Variants in RBFOX1 observed in about 807,000 individuals in gnomAD.
RBFOX1 encodes RNA binding protein fox-1 homolog 1.
RBFOX1 carries 8 observed loss-of-function variants against 57.7 expected under a neutral mutation model. The ratio of observed to expected loss-of-function variants is 0.14; its 90% CI spans 0.08 to 0.25. The LOEUF (loss-of-function observed/expected upper bound fraction) is 0.25. Ranked by LOEUF, RBFOX1 falls within the 10% of genes least tolerant of loss-of-function variation. The pLI, the probability that RBFOX1 is intolerant of heterozygous loss-of-function variation, is 1.00. For missense variants in RBFOX1, 611 were observed against 548.5 expected (o/e 1.11, Z -1.14); for synonymous variants, 326 against 222.4 (o/e 1.47, Z -4.15).
chr16:5,770,022 G>C (rs891875780), intron 3 of RBFOX1, among the ~76,000 whole-genome samples: 1 of 152,202 alleles, frequency 6.6e-6, no homozygotes, highest in Non-Finnish European at 1.5e-5. Flanking sequence ...GCAGATAGAA[G>C]CTAAACTATA....
At chr16:5,757,834 C>A (rs575829332) in intron 3 of RBFOX1, among the ~76,000 whole-genome samples, 5 of 152,282 alleles carry the variant, frequency 3.3e-5, no homozygotes, top group Admixed American at 1.3e-4. Context: ...TTTCTGGGCT[C>A]ATGCTTCTAC....
intron 1 of RBFOX1, among the ~76,000 whole-genome samples, chr16:5,407,943 C>T (rs1207099046): frequency 2.0e-5 from 3 of 152,218 alleles, no homozygotes; most frequent in South Asian, 4.1e-4. Flanking sequence ...CTGCCCAGGA[C>T]CCAATTTGGA....
chr16:5,799,253 C>T (rs928404551), intron 3 of RBFOX1, among the ~76,000 whole-genome samples: 5 of 152,028 alleles, frequency 3.3e-5, no homozygotes, highest in African/African-American at 1.2e-4. Flanking sequence ...GAAACTGCCC[C>T]CATGACTCAT....
intron 2 of RBFOX1, among the ~76,000 whole-genome samples, chr16:6,503,739 C>T (rs1014590): frequency 1.3e-5 from 2 of 152,096 alleles, no homozygotes; most frequent in African/African-American, 2.4e-5. Context: ...TGGACCAAAT[C>T]AAGACACACA....
rs545632797 is a variant in RBFOX1, at chr16:6,943,179, C to T, written c.-15-108878C>T. On this transcript the variant is annotated intron_variant, in intron 3 of 15. Coordinates refer to ENST00000550418, the MANE Select transcript of RBFOX1 (RefSeq NM_018723.4). Reference sequence around the variant, plus strand: ...CTACCAGCTCTCCACTCTCCACAGACCTGAGCTTGGCCAAATGGGAACTGC... The same window carrying T: ...CTACCAGCTCTCCACTCTCCACAGATCTGAGCTTGGCCAAATGGGAACTGC... Among the ~76,000 whole-genome samples, 12 of 152,304 alleles carry T rather than the reference C, an allele frequency of 7.9e-5. No homozygotes were observed. In the South Asian group the frequency reaches 1.2e-3, roughly 16 times the overall value.
chr16:5,285,559 C>T (rs576356279), intron 1 of RBFOX1, among the ~76,000 whole-genome samples: 42 of 152,268 alleles, frequency 2.8e-4, no homozygotes, highest in Non-Finnish European at 4.7e-4. Flanking sequence ...CTATCTGTGC[C>T]TCTGACATAA....
chr16:7,286,546 T>G (rs559699610), intron 4 of RBFOX1, among the ~76,000 whole-genome samples: 2 of 150,800 alleles, frequency 1.3e-5, no homozygotes, highest in South Asian at 4.2e-4. Flanking sequence ...CCTGCCAGGT[T>G]CAAGCAACTT....
rs181182648 is a variant in RBFOX1 at position 6,463,526 on chromosome 16, G to T, written c.-64+146469G>T. ...AACTAGTTAGATTTGATGGGGGGTC[G>T]GGGCGGAGTGTAAGTGGCAGAAATC... On this transcript the variant is annotated intron_variant, in intron 2 of 15. Transcript: ENST00000550418. Among the ~76,000 whole-genome samples, 44 of 152,152 alleles carry T rather than the reference G, an allele frequency of 2.9e-4. No individual in the cohort carries two copies. The Middle Eastern group carries it at 0.017, about 60-fold the overall frequency.
intron 2 of RBFOX1, among the ~76,000 whole-genome samples, chr16:5,542,657 C>A (rs2045009820): frequency 2.0e-5 from 3 of 151,676 alleles, no homozygotes; most frequent in African/African-American, 7.2e-5. Context: ...GCAACACTTC[C>A]ATTGTTATTT....
At chr16:6,740,288 A>C (rs1264584684) in intron 3 of RBFOX1, among the ~76,000 whole-genome samples, 1 of 152,182 alleles carries the variant, frequency 6.6e-6, no homozygotes, top group Admixed American at 6.5e-5. Flanking sequence ...ATGTGCAAAA[A>C]ACCTACATCT....
At chr16:7,189,961 T>A (rs1218953093) in intron 4 of RBFOX1, among the ~76,000 whole-genome samples, 1 of 151,902 alleles carries the variant, frequency 6.6e-6, no homozygotes, top group Non-Finnish European at 1.5e-5. Flanking sequence ...GTGATGCAAA[T>A]GTAGAGTTCT....
At chr16:6,675,319 T>G (rs1158480178) in intron 3 of RBFOX1, among the ~76,000 whole-genome samples, 1 of 152,172 alleles carries the variant, frequency 6.6e-6, no homozygotes, top group Non-Finnish European at 1.5e-5. Context: ...TATGCCTAAA[T>G]GTAGGTGCTC....
intron 3 of RBFOX1, among the ~76,000 whole-genome samples, chr16:5,770,393 C>A (rs961558949): frequency 1.3e-5 from 2 of 152,140 alleles, no homozygotes; most frequent in East Asian, 1.9e-4. Flanking sequence ...CATGGTAACA[C>A]CTGGAAGTTA....
intron 1 of RBFOX1, among the ~76,000 whole-genome samples, chr16:6,056,481 A>T (rs1236994833): frequency 6.6e-6 from 1 of 151,998 alleles, no homozygotes; most frequent in African/African-American, 2.4e-5. Flanking sequence ...CTGGATCTTT[A>T]TCAAGGTCAC....
At chr16:6,090,328 A>G (rs1186351524) in intron 1 of RBFOX1, among the ~76,000 whole-genome samples, 1 of 152,210 alleles carries the variant, frequency 6.6e-6, no homozygotes, top group African/African-American at 2.4e-5. Flanking sequence ...AAGGTAAAAT[A>G]TATTCACAGG....
chr16:5,260,597 A>G (rs952371071), intron 1 of RBFOX1: 3 of 152,254 alleles, frequency 2.0e-5, no homozygotes, highest in African/African-American at 4.8e-5. Context: ...TTTTATATAT[A>G]TGTAGAAGTC....
At chr16:6,666,779 C>T (rs2098735801) in intron 3 of RBFOX1, among the ~76,000 whole-genome samples, 1 of 152,114 alleles carries the variant, frequency 6.6e-6, no homozygotes, top group Admixed American at 6.5e-5. Context: ...CTCCACATAA[C>T]AGGAAAAACC....
In RBFOX1 at chr16:6,779,889, T is replaced by A. The variant is rs865815075; in HGVS notation, c.-16+125239T>A. Reference sequence around the variant, plus strand: ...TATATTTATATATATTTATATATATTTATATATATTTATATATATTTATAT... The same window carrying A: ...TATATTTATATATATTTATATATATATATATATATTTATATATATTTATAT... On this transcript the variant is annotated intron_variant, in intron 3 of 15. Transcript: ENST00000550418. 1.9e-4 allele frequency among the ~76,000 whole-genome samples: 3 copies of A among 15,784 alleles called. 1 individual carries two copies. Among genetic ancestry groups the A allele is most frequent in the Non-Finnish European group, 3.0e-4 (3 of 10,068 alleles). 10.4% of individuals were successfully genotyped at this position (15,784 alleles called of 152,430 possible). A position where few individuals can be genotyped will look rare whatever the true frequency, so the allele number is the denominator to read the frequency against.
intron 4 of RBFOX1, among the ~76,000 whole-genome samples, chr16:7,208,625 TAA>T (rs2090474785): frequency 6.6e-6 from 1 of 151,894 alleles, no homozygotes; most frequent in South Asian, 2.1e-4. Context: ...TGCTTCAGGG[TAA>T]GAGTTTCAGA....
Sources: allele counts gnomAD v4.1 joint callset (sites outside exome capture counted in the v4.1 genomes callset), GRCh38; gene constraint gnomAD v4.1.1; transcripts MANE v1.5; gene names NCBI Gene and HGNC (gene_info 2026-07-23, HGNC 2026-07-21).